Variants in HIVEP1 observed in about 807,000 individuals in gnomAD.
The protein encoded by HIVEP1 is zinc finger protein 40.
Under a neutral mutation model 180.0 loss-of-function variants are expected in HIVEP1, and 36 were observed. The observed-to-expected ratio is 0.20, with a 90% confidence interval of 0.15 to 0.26. The LOEUF is 0.26. Among genes scored for constraint, HIVEP1 ranks in the 10% least tolerant of loss-of-function variants. The pLI is 1.00. For missense variants in HIVEP1, 3,143 were observed against 3,268.7 expected, an observed-to-expected ratio of 0.96 and a Z score of 0.94; for synonymous variants, 1,239 against 1,239.0, an observed-to-expected ratio of 1.00 and a Z score of 0.00.
At chr6:12,197,642 G>C in the HIVEP1 span, among the ~76,000 whole-genome samples, 1 of 151,978 alleles carries the variant, frequency 6.6e-6, no homozygotes, top group African/African-American at 2.4e-5. Context: ...GGGTAGGTTA[G>C]ATTTGTATCA....
the HIVEP1 span, among the ~76,000 whole-genome samples, chr6:12,209,199 A>T: frequency 6.6e-6 from 1 of 152,104 alleles, no homozygotes; most frequent in Non-Finnish European, 1.5e-5. Flanking sequence ...TGGTTTTAAA[A>T]TTTTTCTCTA....
At chr6:12,159,556 T>TGG (rs562792259) in intron 7 of HIVEP1, among the ~76,000 whole-genome samples, 125 of 152,300 alleles carry the variant, frequency 8.2e-4, no homozygotes, top group African/African-American at 2.8e-3. Flanking sequence ...GGCAGGGTCC[T>TGG]TGTCTTTTAT....
In HIVEP1 at chr6:12,121,639, G is replaced by A. The variant is rs760689832; in HGVS notation, c.1844G>A (p.Arg615Lys). 2 of 1,614,100 alleles carry A rather than the reference G, an allele frequency of 1.2e-6. No individual in the cohort carries two copies. Among genetic ancestry groups the A allele is most frequent in the South Asian group, 1.1e-5 (1 of 91,082 alleles). The stretch of plus-strand genomic sequence containing the variant: ...AACATGTCCCAGGGTGGAGTCTCCA[G>A]GTTGGAGACTAATGAGAATTCCCAC... Reference protein sequence around the residue: ...SANMSQGGVSRLETNENSHQK... With the variant: ...SANMSQGGVSKLETNENSHQK... Residue 615 changes from arginine to lysine, a missense_variant, in exon 4 of 9, where the codon AGG (arginine) becomes AAG (lysine). By Grantham distance (26) the Arg-to-Lys change is conservative (BLOSUM62 2). Transcript: ENST00000379388. The surrounding 1 kb of genome is among the most constrained non-coding windows in gnomAD (Gnocchi z 5.3).
the HIVEP1 span, among the ~76,000 whole-genome samples, chr6:12,180,934 T>C: frequency 6.6e-6 from 1 of 152,360 alleles, no homozygotes; most frequent in Non-Finnish European, 1.5e-5. Context: ...GACGTAGCTA[T>C]ATTGCAATGA....
intron 3 of HIVEP1, among the ~76,000 whole-genome samples, chr6:12,089,613 T>G (rs1319773244): frequency 6.6e-6 from 1 of 151,894 alleles, no homozygotes; most frequent in Admixed American, 6.6e-5. Flanking sequence ...TCTTTTTTTT[T>G]TTGTAGCGAC....
rs1481112796 is a variant in HIVEP1 at position 12,093,385 on chromosome 6, TATTA to T, written c.94+4152_94+4155del. Among the ~76,000 whole-genome samples the T allele has an allele frequency of 2.6e-5, 4 of 151,856 alleles. No homozygotes were observed. The South Asian group carries it at 6.2e-4, about 24-fold the overall frequency. On this transcript the variant is annotated intron_variant, in intron 3 of 8. Coordinates refer to ENST00000379388, the MANE Select transcript of HIVEP1 (RefSeq NM_002114.4). ...GCTCTTGATTTTAATACTGTCAACC[TATTA>T]ATTTCTTGATTTTGTGATTCATTTT... is the stretch of plus-strand genomic sequence containing the variant.
At chr6:12,015,352 C>T (rs766090614) in intron 1 of HIVEP1, among the ~76,000 whole-genome samples, 174 bp from the exon 2 acceptor site, 5 of 152,084 alleles carry the variant, frequency 3.3e-5, no homozygotes, top group Admixed American at 6.5e-5. Flanking sequence ...TGAGAAGTCC[C>T]GATACTGACA....
intron 7 of HIVEP1, among the ~76,000 whole-genome samples, chr6:12,142,036 A>G (rs1269277334): frequency 1.3e-5 from 2 of 152,222 alleles, no homozygotes; most frequent in African/African-American, 2.4e-5. Flanking sequence ...AAGCAGACCT[A>G]AGAGACATCT....
intron 2 of HIVEP1, among the ~76,000 whole-genome samples, chr6:12,071,609 A>G (rs1419078529): frequency 6.6e-6 from 1 of 152,206 alleles, no homozygotes; most frequent in African/African-American, 2.4e-5. Flanking sequence ...TCAGTTTTTC[A>G]AAAGATTTTC....
downstream of HIVEP1, among the ~76,000 whole-genome samples, chr6:12,168,695 T>C (rs1760826214): frequency 6.6e-6 from 1 of 152,040 alleles, no homozygotes; most frequent in South Asian, 2.1e-4. Context: ...CCCAGCCAGC[T>C]ACGTGATTGT....
At chr6:12,203,393 T>A in the HIVEP1 span, among the ~76,000 whole-genome samples, 1 of 152,226 alleles carries the variant, frequency 6.6e-6, no homozygotes, top group Non-Finnish European at 1.5e-5. Flanking sequence ...AGAGTGGCAG[T>A]CGGCATAGTT....
intron 3 of HIVEP1, among the ~76,000 whole-genome samples, chr6:12,110,556 T>A (rs748816722): frequency 7.9e-5 from 12 of 152,254 alleles, no homozygotes; most frequent in Admixed American, 2.0e-4. Flanking sequence ...GCTGTCAGCC[T>A]TTCTTCTGCA....
In HIVEP1 at chr6:12,163,288, A is replaced by C; in HGVS notation, c.6984A>C (p.Pro2328=). ...TGCTCTCTCTTGTCATTTAGAGCCC[A>C]TCATCTGTAAGACTTCCTCCTGCTG... The part of the protein sequence containing the change: ...AGKAVAITQS[P]SSVRLPPAAA... The change falls in exon 9 of 9, where the codon CCA becomes CCC. Residue 2328 remains proline, a synonymous_variant. Transcript: ENST00000379388. 1 of 1,612,712 alleles carries C rather than the reference A, an allele frequency of 6.2e-7. No individual in the cohort carries two copies. Among genetic ancestry groups the C allele is most frequent in the Non-Finnish European group, 8.5e-7 (1 of 1,179,054 alleles).
At chr6:12,128,939 G>A (rs1036253168) in intron 4 of HIVEP1, among the ~76,000 whole-genome samples, 2 of 152,194 alleles carry the variant, frequency 1.3e-5, no homozygotes, top group Non-Finnish European at 2.9e-5. Context: ...AGCTGGGCAT[G>A]GTGGCTCATG....
the HIVEP1 span, among the ~76,000 whole-genome samples, chr6:12,210,306 A>G: frequency 6.6e-6 from 1 of 151,894 alleles, no homozygotes; most frequent in African/African-American, 2.4e-5. Flanking sequence ...CCGTCCAAAC[A>G]CTCCCTACGT....
chr6:12,012,693 T>TGCGTGTGTGTGC, intron 1 of HIVEP1, 127 bp downstream of exon 1: 1 of 148,688 alleles, frequency 6.7e-6, no homozygotes, highest in Middle Eastern at 3.6e-3. Context: ...TGTGTGTGTG[T>TGCGTGTGTGTGC]GCGTGTGTGT....
downstream of HIVEP1, among the ~76,000 whole-genome samples, chr6:12,166,728 G>A (rs1396771552): frequency 2.6e-5 from 4 of 152,108 alleles, no homozygotes; most frequent in African/African-American, 7.2e-5. Flanking sequence ...AATGTAATTC[G>A]GAGAACTAAT....
At chr6:12,019,059 A>G (rs1375741769) in intron 2 of HIVEP1, among the ~76,000 whole-genome samples, 1 of 152,242 alleles carries the variant, frequency 6.6e-6, no homozygotes, top group Non-Finnish European at 1.5e-5. Context: ...AAGGTAGTTA[A>G]GAACTCACAG....
At chr6:12,092,381 C>T (rs1773531159) in intron 3 of HIVEP1, among the ~76,000 whole-genome samples, 1 of 152,176 alleles carries the variant, frequency 6.6e-6, no homozygotes, top group Non-Finnish European at 1.5e-5. Flanking sequence ...TTCACCCATG[C>T]CGTTGCACAT....
Sources: allele counts gnomAD v4.1 joint callset (sites outside exome capture counted in the v4.1 genomes callset), GRCh38; gene constraint gnomAD v4.1.1; non-coding constraint Gnocchi (gnomAD v3.1); transcripts MANE v1.5; gene names NCBI Gene and HGNC (gene_info 2026-07-23, HGNC 2026-07-21).